Variants in SPINT1 observed in about 807,000 individuals in gnomAD.
SPINT1 encodes kunitz-type protease inhibitor 1.
SPINT1 carries 38 observed loss-of-function variants against 53.7 expected under a neutral mutation model. The ratio of observed to expected loss-of-function variants is 0.71; its 90% CI spans 0.55 to 0.93. SPINT1 has a LOEUF of 0.93. Ranked by LOEUF, SPINT1 falls within the 40% of genes least tolerant of loss-of-function variation. The pLI, the probability that SPINT1 is intolerant of heterozygous loss-of-function variation, is 0.00. For missense variants in SPINT1, 645 were observed against 692.9 expected (o/e 0.93, Z 0.78); for synonymous variants, 283 against 280.6 (o/e 1.01, Z -0.08).
chr15:40,844,753 G>T lies in SPINT1; in HGVS notation c.199G>T (p.Ala67Ser). 6.2e-7 allele frequency: 1 copy of T among 1,611,150 alleles called. No homozygotes were observed. The highest frequency in any genetic ancestry group is 8.5e-7 in the Non-Finnish European group (1 of 1,178,344). The change falls in exon 2 of 11, where the codon GCC becomes TCC. Residue 67 changes from alanine (A) to serine (S), a missense_variant. Ala to Ser is a moderately conservative substitution (Grantham distance 99). Transcript: ENST00000562057. The surrounding 1 kb of genome is among the most constrained non-coding windows in gnomAD (Gnocchi z 5.8). Reference sequence around the variant, plus strand: ...GCCTGGCTTCGTGCTGGACACCAACGCCTCGGTCAGCAACGGAGCTACCTT... The same window carrying T: ...GCCTGGCTTCGTGCTGGACACCAACTCCTCGGTCAGCAACGGAGCTACCTT... ...GVPGFVLDTN[A>S]SVSNGATFLE...
intron 2 of SPINT1, among the ~76,000 whole-genome samples, chr15:40,848,508 G>T (rs141448135): frequency 6.6e-6 from 1 of 152,134 alleles, no homozygotes; most frequent in African/African-American, 2.4e-5. Flanking sequence ...GGAAACAATC[G>T]CATTGTCTGT....
intron 2 of SPINT1, among the ~76,000 whole-genome samples, chr15:40,850,981 G>A (rs1292115748): frequency 2.0e-5 from 3 of 152,010 alleles, no homozygotes; most frequent in Admixed American, 6.6e-5. Flanking sequence ...CACGGCCAGT[G>A]TCTGTCCCCT....
rs1039672353 is a variant in SPINT1, at chr15:40,857,865, T to A, written c.*890T>A. The A allele has an allele frequency of 6.6e-6, 1 of 152,282 alleles. No homozygotes were observed. The highest frequency in any genetic ancestry group is 2.4e-5 in the African/African-American group (1 of 41,380). The allele number at this position is 152,282 out of a possible 1,614,324, so 9.4% of individuals were successfully genotyped here. On this transcript the variant is annotated 3_prime_UTR_variant, in exon 11 of 11. Coordinates refer to ENST00000562057, the MANE Select transcript of SPINT1 (RefSeq NM_003710.4). Reference sequence around the variant, plus strand: ...GTGAGCGGGCCACGGGAGCCACGAGTGTGGGGAGGCTGCAGTGCTGCTGTG... The same window carrying A: ...GTGAGCGGGCCACGGGAGCCACGAGAGTGGGGAGGCTGCAGTGCTGCTGTG...
Position 40,844,612 on chromosome 15 carries a change from GTC to G in SPINT1, c.59_60del (p.Val20GlyfsTer175). ...CCTCGCCCCGGCCGGCATCCCTGCCGTCGCCTTGTGGCTTCTGTGCACGCTCG... is the reference window on the plus strand; with the variant it reads ...CCTCGCCCCGGCCGGCATCCCTGCCGGCCTTGTGGCTTCTGTGCACGCTCG... ...ARLAPAGIPA[V>X]ALWLLCTLGL... On this transcript the variant is annotated frameshift_variant, in exon 2 of 11. Transcript: ENST00000562057. LOFTEE classifies it high-confidence loss of function. This position sits in a 1 kb window ranked among gnomAD's most constrained non-coding sequence, Gnocchi z 5.8. The G allele has an allele frequency of 6.2e-7, 1 of 1,609,614 alleles. No individual in the cohort carries two copies. The highest frequency in any genetic ancestry group is 8.5e-7 in the Non-Finnish European group (1 of 1,178,636).
intron 2 of SPINT1, among the ~76,000 whole-genome samples, chr15:40,852,627 C>CTGTG (rs3033553): frequency 0.026 from 3,799 of 143,470 alleles, 85 homozygotes; most frequent in African/African-American, 0.069. Flanking sequence ...AAGTAAGTGT[C>CTGTG]TGTGTGTGTG....
In SPINT1 at chr15:40,852,154, C is replaced by A. The variant is rs574596866; in HGVS notation, c.476-970C>A. On this transcript the variant is annotated intron_variant, in intron 2 of 10. Transcript: ENST00000562057. ...GAGAATCCTTCCTTGTCTTTTCCAGCTTCTGGTGGCCCCAGGCGTACCTTG... is the reference window on the plus strand; with the variant it reads ...GAGAATCCTTCCTTGTCTTTTCCAGATTCTGGTGGCCCCAGGCGTACCTTG... Among the ~76,000 whole-genome samples, 4 of 152,338 alleles carry A rather than the reference C, an allele frequency of 2.6e-5. No homozygotes were observed. The South Asian group carries it at 8.3e-4, about 32-fold the overall frequency.
intron 8 of SPINT1, among the ~76,000 whole-genome samples, chr15:40,855,359 C>A (rs1005787120): frequency 5.3e-5 from 8 of 152,162 alleles, no homozygotes; most frequent in African/African-American, 1.9e-4. Flanking sequence ...TCAGCCTGGG[C>A]AACAGAGTGA....
At chr15:40,848,601 G>C (rs1361219813) in intron 2 of SPINT1, among the ~76,000 whole-genome samples, 1 of 152,182 alleles carries the variant, frequency 6.6e-6, no homozygotes. Context: ...GTTCTTAGGA[G>C]AGAAAGAAAG....
chr15:40,856,023 G>A lies in SPINT1; in HGVS notation c.1249G>A (p.Glu417Lys), dbSNP rs767957785. The A allele has an allele frequency of 6.2e-7, 1 of 1,614,090 alleles. No individual in the cohort carries two copies. The highest frequency in any genetic ancestry group is 8.5e-7 in the Non-Finnish European group (1 of 1,180,050). ...TTACGGCAACAAGAACAACTTTGAG[G>A]AAGAGCAGCAGTGCCTCGAGTCTTG... ...GCYGNKNNFE[E>K]EQQCLESCRG... The change falls in exon 9 of 11, where the codon GAA (glutamate) becomes AAA (lysine). Residue 417 changes from glutamate (E) to lysine (K), a missense_variant. By Grantham distance (56) the Glu-to-Lys change is moderately conservative (BLOSUM62 1). Coordinates refer to ENST00000562057, the MANE Select transcript of SPINT1 (RefSeq NM_003710.4).
In SPINT1 at chr15:40,853,510, G is replaced by A. The variant is rs1311596027; in HGVS notation, c.625G>A (p.Glu209Lys). The change falls in exon 4 of 11, where the codon GAA becomes AAA. Residue 209 changes from glutamate to lysine, a missense_variant. Glu to Lys is a moderately conservative substitution (Grantham distance 56, BLOSUM62 1). Transcript: ENST00000562057. ...RVERKDPNQV[E>K]LWGLKEGTYL... Reference sequence around the variant, plus strand: ...GCAGAGGAAAGACCCAAACCAGGTGGAACTGTGGGGACTCAAGGAAGGCAC... The same window carrying A: ...GCAGAGGAAAGACCCAAACCAGGTGAAACTGTGGGGACTCAAGGAAGGCAC... 6.2e-7 allele frequency: 1 copy of A among 1,614,058 alleles called. No individual in the cohort carries two copies. The highest frequency in any genetic ancestry group is 8.5e-7 in the Non-Finnish European group (1 of 1,180,006).
rs768511372 is a variant in SPINT1 at position 40,854,246 on chromosome 15, A to G, written c.941-151A>G. 1.3e-4 allele frequency: 175 copies of G among 1,370,946 alleles called. 1 individual carries two copies. Among genetic ancestry groups the G allele is most frequent in the Non-Finnish European group, 1.6e-4 (164 of 1,014,158 alleles). The allele number at this position is 1,370,946 out of a possible 1,614,324, so 84.9% of individuals were successfully genotyped here. Reference sequence around the variant, plus strand: ...ACCCCTTCCAGCCCAGCATCGTCCTATGAGGATCTGCCCAGTTTGCGTGGG... The same window carrying G: ...ACCCCTTCCAGCCCAGCATCGTCCTGTGAGGATCTGCCCAGTTTGCGTGGG... On this transcript the variant is annotated intron_variant, in intron 6 of 10. Coordinates refer to ENST00000562057, the MANE Select transcript of SPINT1 (RefSeq NM_003710.4).
Position 40,853,479 on chromosome 15 carries a change from C to G in SPINT1, c.604-10C>G. On this transcript the variant is annotated splice_polypyrimidine_tract_variant and intron_variant, in intron 3 of 10. Transcript: ENST00000562057. ...GGGTGCCCAAGCCTGATAGCCACTC[C>G]TGTGTGCAGAGGAAAGACCCAAACC... 1 of 1,614,106 alleles carries G rather than the reference C, an allele frequency of 6.2e-7. No homozygotes were observed. Among genetic ancestry groups the G allele is most frequent in the East Asian group, 2.2e-5 (1 of 44,876 alleles).
chr15:40,856,666 C>G (rs1234825501), intron 10 of SPINT1, 104 bp from the exon 11 acceptor site: 1 of 1,560,608 alleles, frequency 6.4e-7, no homozygotes, highest in East Asian at 2.2e-5. Context: ...CCATGTCCTT[C>G]CATACCTGGC....
chr15:40,847,522 C>T (rs894871814), intron 2 of SPINT1, among the ~76,000 whole-genome samples: 1 of 152,162 alleles, frequency 6.6e-6, no homozygotes, highest in Non-Finnish European at 1.5e-5. Context: ...CTTGCACTTC[C>T]TCTTCTCCCC....
At position 40,854,061 on chromosome 15, in the gene SPINT1, C is replaced by T. The variant is rs568272391; in HGVS notation, c.915C>T (p.Gly305=). 40 of 1,551,564 alleles carry T rather than the reference C, an allele frequency of 2.6e-5. No individual in the cohort carries two copies. The highest frequency in any genetic ancestry group is 3.4e-5 in the Non-Finnish European group (39 of 1,150,986). ...ECILACRGVQ[G]PSMERRHPVC... Reference sequence around the variant, plus strand: ...CTCATTCTCTGTTCTCTCTCCCAGGCCCCTCCATGGAAAGGCGCCATCCAG... The same window carrying T: ...CTCATTCTCTGTTCTCTCTCCCAGGTCCCTCCATGGAAAGGCGCCATCCAG... Residue 305 remains glycine (G), a splice_region_variant and synonymous_variant, in exon 6 of 11, where the codon GGC becomes GGT. Transcript: ENST00000562057.
intron 2 of SPINT1, 143 bp from the exon 3 acceptor site, chr15:40,852,981 G>T (rs1891507388): frequency 1.0e-6 from 1 of 969,856 alleles, no homozygotes; most frequent in Admixed American, 2.4e-5. Context: ...TCTGTTGGGG[G>T]CTCCCACCCG....
chr15:40,854,704 A>G lies in SPINT1; in HGVS notation c.1117+15A>G. 2 of 1,614,020 alleles carry G rather than the reference A, an allele frequency of 1.2e-6. No individual in the cohort carries two copies. The highest frequency in any genetic ancestry group is 1.7e-6 in the Non-Finnish European group (2 of 1,180,026). ...CAGTGACAAAGGTGAGATCCTCCCC[A>G]GGTGCCCTGGATCAGGGCAGACGCT... On this transcript the variant is annotated intron_variant, in intron 8 of 10. Coordinates refer to ENST00000562057, the MANE Select transcript of SPINT1 (RefSeq NM_003710.4).
intron 2 of SPINT1, among the ~76,000 whole-genome samples, chr15:40,852,627 C>G (rs1250641028): frequency 1.4e-5 from 2 of 143,496 alleles, no homozygotes; most frequent in African/African-American, 2.5e-5. Flanking sequence ...AAGTAAGTGT[C>G]TGTGTGTGTG....
intron 2 of SPINT1, among the ~76,000 whole-genome samples, chr15:40,849,441 T>C (rs2142007218): frequency 6.6e-6 from 1 of 152,250 alleles, no homozygotes; most frequent in Admixed American, 6.5e-5. Context: ...GAGGTCTCAC[T>C]ATGTTGCCCA....
Sources: gnomAD v4.1 joint callset for allele counts (sites outside exome capture counted in the v4.1 genomes callset) on GRCh38, gnomAD v4.1.1 for gene constraint, Gnocchi (gnomAD v3.1) non-coding constraint, MANE v1.5 for transcripts, NCBI Gene and HGNC (gene_info 2026-07-23, HGNC 2026-07-21) for gene names.